The following MYO9A variants were observed in gnomAD, a reference collection of about 807,000 sequenced individuals.
MYO9A encodes the protein myosin IXA, also known as unconventional myosin-IXa.
Under a neutral mutation model 293.3 loss-of-function variants are expected in MYO9A, and 103 were observed. The observed-to-expected ratio is 0.35, with a 90% CI of 0.30 to 0.41. The LOEUF is 0.41. Among genes scored for constraint, MYO9A ranks in the 10% least tolerant of loss-of-function variants. MYO9A has a pLI of 1.00. For missense variants in MYO9A, 2,685 were observed against 3,033.0 expected, an observed-to-expected ratio of 0.89 and a Z score of 2.69; for synonymous variants, 1,001 against 1,035.7, an observed-to-expected ratio of 0.97 and a Z score of 0.64.
At chr15:72,093,329 A>T (rs1250602324) in intron 1 of MYO9A, among the ~76,000 whole-genome samples, 1 of 151,988 alleles carries the variant, frequency 6.6e-6, no homozygotes. Flanking sequence ...GGAGTTCAAC[A>T]CCAGCCTGGG....
chr15:72,036,022 CA>C (rs1159039880), intron 2 of MYO9A, among the ~76,000 whole-genome samples: 1 of 151,680 alleles, frequency 6.6e-6, no homozygotes, highest in Admixed American at 6.6e-5. Context: ...TTACTTATTT[CA>C]AAAAAACTTA....
chr15:72,110,201 C>A lies in MYO9A; in HGVS notation c.-72+7479G>T, dbSNP rs570663205. Reference sequence around the variant, plus strand: ...CTGTAATCCCAGCACTTTGGGAGGCCGAGGCAGGTAGATTACCTGAGGTCA... The same window carrying A: ...CTGTAATCCCAGCACTTTGGGAGGCAGAGGCAGGTAGATTACCTGAGGTCA... On this transcript the variant is annotated intron_variant, in intron 1 of 41. Transcript: ENST00000356056. Among the ~76,000 whole-genome samples the A allele has an allele frequency of 5.3e-5, 8 of 151,516 alleles. No individual in the cohort carries two copies. In the East Asian group the frequency reaches 1.2e-3, roughly 22 times the overall value.
intron 13 of MYO9A, 67 bp from the exon 14 acceptor site, chr15:71,960,163 A>C: frequency 7.2e-7 from 1 of 1,384,296 alleles, no homozygotes; most frequent in Non-Finnish European, 1.0e-6. Context: ...ATGACGGGTG[A>C]TAACATACTT....
chr15:72,018,562 A>G (rs2077407687), intron 6 of MYO9A, among the ~76,000 whole-genome samples: 1 of 152,216 alleles, frequency 6.6e-6, no homozygotes, highest in African/African-American at 2.4e-5. Context: ...GGGAAAAAAA[A>G]TCAAAGAAAA....
intron 9 of MYO9A, among the ~76,000 whole-genome samples, chr15:71,996,011 A>G (rs1398955697): frequency 6.6e-6 from 1 of 152,132 alleles, no homozygotes; most frequent in East Asian, 1.9e-4. Flanking sequence ...ATTATTTTTT[A>G]TTGTTGTGGA....
At chr15:71,947,227 A>T (rs2058938050) in intron 15 of MYO9A, among the ~76,000 whole-genome samples, 1 of 149,356 alleles carries the variant, frequency 6.7e-6, no homozygotes, top group African/African-American at 2.5e-5. Flanking sequence ...GGTTGCAGTG[A>T]GCCAAGATCA....
chr15:71,850,261 G>T, intron 37 of MYO9A, 94 bp from the exon 38 acceptor site: 1 of 1,432,588 alleles, frequency 7.0e-7, no homozygotes, highest in Non-Finnish European at 9.7e-7. Flanking sequence ...AAAGAAGACA[G>T]TATGACATGA....
chr15:71,849,381 G>A (rs1488394161), intron 38 of MYO9A, among the ~76,000 whole-genome samples: 3 of 152,052 alleles, frequency 2.0e-5, no homozygotes, highest in African/African-American at 7.2e-5. Flanking sequence ...CCTGGGAGGT[G>A]GAGGTTGCAG....
At chr15:71,851,221 T>C in intron 37 of MYO9A, 32 bp downstream of exon 37, 5 of 1,502,786 alleles carry the variant, frequency 3.3e-6, no homozygotes, top group Non-Finnish European at 4.6e-6. Context: ...AGAGAAACTA[T>C]TAAAAATCGT....
chr15:71,851,155 T>G, intron 37 of MYO9A, 98 bp downstream of exon 37: 1 of 917,870 alleles, frequency 1.1e-6, no homozygotes, highest in Admixed American at 2.5e-5. Context: ...GAAGAAAAAA[T>G]AAATACCTGT....
At chr15:71,901,155 T>C (rs755073006) in intron 23 of MYO9A, 36 bp downstream of exon 23, 4 of 1,570,768 alleles carry the variant, frequency 2.5e-6, no homozygotes, top group African/African-American at 1.4e-5. Flanking sequence ...CCAAATAAAC[T>C]AGTCAATCTC....
At chr15:71,935,127 G>A in intron 17 of MYO9A, 2 of 456,614 alleles carry the variant, frequency 4.4e-6, no homozygotes, top group South Asian at 4.7e-5. Context: ...TGGTAATATG[G>A]GGGAGAAAAA....
At chr15:71,895,396 T>TA (rs973711655) in intron 25 of MYO9A, among the ~76,000 whole-genome samples, 6 of 152,230 alleles carry the variant, frequency 3.9e-5, no homozygotes, top group Admixed American at 6.5e-5. Flanking sequence ...TACTGTGTAC[T>TA]CATCACCACT....
At chr15:71,854,337 A>AT in intron 35 of MYO9A, 40 bp downstream of exon 35, 1 of 1,340,354 alleles carries the variant, frequency 7.5e-7, no homozygotes, top group Non-Finnish European at 9.8e-7. Context: ...AACTATTTAA[A>AT]TAAAAGTATT....
chr15:71,827,033 TAAGCTTCTTTCTA>T lies in MYO9A; in HGVS notation c.7184-3_7193del. On this transcript the variant is annotated splice_acceptor_variant and splice_polypyrimidine_tract_variant and coding_sequence_variant and intron_variant, in exon 42 of 42. Transcript: ENST00000356056. LOFTEE classifies it high-confidence loss of function. Reference sequence around the variant, plus strand: ...CAGCTGTCTTCAGGGAGCTAAGGGCTAAGCTTCTTTCTAATGCAAAAAAGAGACCAAAGATGTA... The same window carrying T: ...CAGCTGTCTTCAGGGAGCTAAGGGCTATGCAAAAAAGAGACCAAAGATGTA... 1 of 1,571,236 alleles carries T rather than the reference TAAGCTTCTTTCTA, an allele frequency of 6.4e-7. No individual in the cohort carries two copies. The highest frequency in any genetic ancestry group is 1.4e-5 in the African/African-American group (1 of 72,834).
intron 1 of MYO9A, among the ~76,000 whole-genome samples, chr15:72,075,949 C>A (rs1200402299): frequency 2.0e-5 from 3 of 152,076 alleles, no homozygotes; most frequent in African/African-American, 7.2e-5. Context: ...CCAGTGGTAA[C>A]AGCAAGTGCC....
At chr15:71,885,172 C>T (rs1472875209) in intron 27 of MYO9A, among the ~76,000 whole-genome samples, 6 of 151,992 alleles carry the variant, frequency 3.9e-5, no homozygotes, top group African/African-American at 1.4e-4. Flanking sequence ...CTCATGGCCA[C>T]AGATAATGAT....
intron 11 of MYO9A, among the ~76,000 whole-genome samples, chr15:71,984,122 T>C (rs930823696): frequency 5.9e-5 from 9 of 152,244 alleles, no homozygotes; most frequent in South Asian, 4.1e-4. Context: ...GCTGGTGATA[T>C]GTGGTACATG....
intron 11 of MYO9A, among the ~76,000 whole-genome samples, chr15:71,978,608 A>G (rs1488944332): frequency 1.3e-5 from 2 of 152,132 alleles, no homozygotes; most frequent in African/African-American, 4.8e-5. Flanking sequence ...TGAAGAAAAA[A>G]GGCTAATATC....
Sources: allele counts gnomAD v4.1 joint callset (sites outside exome capture counted in the v4.1 genomes callset), GRCh38; gene constraint gnomAD v4.1.1; transcripts MANE v1.5; gene names NCBI Gene and HGNC (gene_info 2026-07-23, HGNC 2026-07-21).